SECISBP2L: variants seen among roughly 807,000 people sequenced by gnomAD.
The protein encoded by SECISBP2L is SECIS binding protein 2 like.
Under a neutral mutation model 114.7 loss-of-function variants are expected in SECISBP2L, and 43 were observed. The ratio of observed to expected loss-of-function variants is 0.38; its 90% CI spans 0.29 to 0.48. The LOEUF is 0.48. SECISBP2L is among the 20% of genes least tolerant of loss of function. SECISBP2L has a pLI of 0.98. For synonymous variants in SECISBP2L, 451 were observed against 439.7 expected, an observed-to-expected ratio of 1.03 and a Z score of -0.32; for missense variants, 1,136 against 1,301.1, an observed-to-expected ratio of 0.87 and a Z score of 1.95.
chr15:49,023,949 T>C (rs949541057), intron 7 of SECISBP2L, among the ~76,000 whole-genome samples: 3 of 152,202 alleles, frequency 2.0e-5, no homozygotes, highest in African/African-American at 7.2e-5. Flanking sequence ...GACTTTTACA[T>C]TGTATATAAT....
At chr15:49,009,691 T>C (rs1008711832) in intron 13 of SECISBP2L, among the ~76,000 whole-genome samples, 3 of 151,904 alleles carry the variant, frequency 2.0e-5, no homozygotes, top group South Asian at 4.2e-4. Context: ...CTGAGAAACG[T>C]TGTGAGACTT....
At chr15:49,010,121 G>GTAGACACACACACA in intron 13 of SECISBP2L, among the ~76,000 whole-genome samples, 1 of 27,978 alleles carries the variant, frequency 3.6e-5, no homozygotes, top group African/African-American at 1.3e-4. Context: ...AACAACAGAG[G>GTAGACACACACACA]CAGACACACA....
chr15:49,021,694 A>G (rs1190361046), intron 7 of SECISBP2L, among the ~76,000 whole-genome samples: 1 of 152,188 alleles, frequency 6.6e-6, no homozygotes, highest in Non-Finnish European at 1.5e-5. Context: ...TACAAACGGT[A>G]AAACAATTTC....
chr15:49,010,709 G>C (rs1258283575), intron 13 of SECISBP2L, among the ~76,000 whole-genome samples: 1 of 152,016 alleles, frequency 6.6e-6, no homozygotes, highest in Non-Finnish European at 1.5e-5. Flanking sequence ...ACAGGGTTTT[G>C]CCTTGTTGTC....
At chr15:49,042,505 C>T (rs966027732) in intron 1 of SECISBP2L, 1 of 152,116 alleles carries the variant, frequency 6.6e-6, no homozygotes, top group African/African-American at 2.4e-5. Flanking sequence ...GGGAGGTTAT[C>T]ATATTGATGC....
In SECISBP2L at chr15:48,991,694, T is replaced by C. The variant is rs1453536054; in HGVS notation, c.*550A>G. ...TTTAGCCCATCCCAACACTAATTAATTACAATAATCAGTGACTTCTGACTA... is the reference window on the plus strand; with the variant it reads ...TTTAGCCCATCCCAACACTAATTAACTACAATAATCAGTGACTTCTGACTA... On this transcript the variant is annotated 3_prime_UTR_variant, in exon 18 of 18. Transcript: ENST00000559471. 6.6e-6 allele frequency: 1 copy of C among 152,554 alleles called. No individual in the cohort carries two copies. 9.5% of individuals were successfully genotyped at this position (152,554 alleles called of 1,614,324 possible).
intron 9 of SECISBP2L, 44 bp downstream of exon 9, chr15:49,017,504 C>G (rs1225789457): frequency 7.9e-7 from 1 of 1,261,436 alleles, no homozygotes; most frequent in Admixed American, 1.9e-5. Flanking sequence ...AGCCATTGTT[C>G]AAAAGATGTT....
chr15:49,028,426 T>C (rs1215964213), intron 5 of SECISBP2L, 27 bp downstream of exon 5: 2 of 1,599,500 alleles, frequency 1.3e-6, no homozygotes, highest in African/African-American at 2.7e-5. Flanking sequence ...CAATGACCAA[T>C]AAAGAAATCA....
intron 8 of SECISBP2L, among the ~76,000 whole-genome samples, chr15:49,018,459 C>T (rs915927394): frequency 2.0e-5 from 3 of 151,778 alleles, no homozygotes; most frequent in Non-Finnish European, 4.4e-5. Context: ...GGTTTCACCA[C>T]GTTGGCCAGG....
At chr15:49,041,805 CTT>C (rs1287969462) in intron 1 of SECISBP2L, among the ~76,000 whole-genome samples, 1 of 152,134 alleles carries the variant, frequency 6.6e-6, no homozygotes, top group Non-Finnish European at 1.5e-5. Context: ...ATATCTCAAA[CTT>C]TAAGATATTT....
In SECISBP2L at chr15:49,016,581, T is replaced by C. The variant is rs1718562245; in HGVS notation, c.1540A>G (p.Thr514Ala). ...QAMKARQITN[T>A]RPLSYTVVTA... Reference sequence around the variant, plus strand: ...TCACCTGTATATGACAGAGGTCTGGTGTTAGTAATTTGCCGTGCTTTCATT... The same window carrying C: ...TCACCTGTATATGACAGAGGTCTGGCGTTAGTAATTTGCCGTGCTTTCATT... Residue 514 changes from threonine to alanine, a missense_variant, in exon 11 of 18, where the codon ACC becomes GCC. Transcript: ENST00000559471. The C allele has an allele frequency of 1.2e-6, 2 of 1,610,790 alleles. No homozygotes were observed. Among genetic ancestry groups the C allele is most frequent in the Admixed American group, 3.3e-5 (2 of 59,808 alleles).
rs189254909 is a variant in SECISBP2L, at chr15:49,020,829, A to T, written c.1036-1277T>A. ...AGCTACTCTTTAATTTAACTACTGT[A>T]AGTCTTCTGATACTTGCAGTTTATT... On this transcript the variant is annotated intron_variant, in intron 7 of 17. Transcript: ENST00000559471. Among the ~76,000 whole-genome samples, 523 of 152,302 alleles carry T rather than the reference A, an allele frequency of 3.4e-3. 3 individuals carry two copies. Among genetic ancestry groups the T allele is most frequent in the Non-Finnish European group, 5.5e-3 (371 of 68,012 alleles).
chr15:49,029,975 TGAC>T (rs1338549625), intron 4 of SECISBP2L, among the ~76,000 whole-genome samples: 1 of 151,498 alleles, frequency 6.6e-6, no homozygotes, highest in Non-Finnish European at 1.5e-5. Context: ...TTGAATTATC[TGAC>T]TTCTGCCATT....
chr15:49,011,522 A>G (rs1595786672), intron 13 of SECISBP2L: 2 of 437,132 alleles, frequency 4.6e-6, no homozygotes, highest in East Asian at 6.6e-5. Context: ...CAAAAATGTC[A>G]TAGGCCTACT....
intron 11 of SECISBP2L, 78 bp from the exon 12 acceptor site, chr15:49,012,895 A>C: frequency 7.1e-7 from 1 of 1,405,424 alleles, no homozygotes. Flanking sequence ...AACTACAAAA[A>C]CAAGAACATC....
At chr15:49,006,122 T>TA (rs1595784680) in intron 14 of SECISBP2L, among the ~76,000 whole-genome samples, 1 of 152,210 alleles carries the variant, frequency 6.6e-6, no homozygotes, top group Non-Finnish European at 1.5e-5. Context: ...GACCCGCTGT[T>TA]AGACTGATGG....
Position 49,046,440 on chromosome 15 carries a change from C to T in SECISBP2L, c.-141G>A, listed in dbSNP as rs1242436318. On this transcript the variant is annotated 5_prime_UTR_variant, in exon 1 of 18. Coordinates refer to ENST00000559471, the MANE Select transcript of SECISBP2L (RefSeq NM_001193489.2). ...GCTGGCCGCGACACCGATTCGGCTA[C>T]GCCACTGGCCGAGGAGGCGGCTCCA... 3.1e-5 allele frequency: 28 copies of T among 910,588 alleles called. No homozygotes were observed. The highest frequency in any genetic ancestry group is 6.7e-5 in the South Asian group (3 of 44,886). 56.4% of individuals were successfully genotyped at this position (910,588 alleles called of 1,614,324 possible).
chr15:49,039,567 G>GGGTGGA (rs1343494537), intron 1 of SECISBP2L, among the ~76,000 whole-genome samples: 1 of 150,296 alleles, frequency 6.7e-6, no homozygotes, highest in African/African-American at 2.5e-5. Flanking sequence ...CTCTGTCACG[G>GGGTGGA]GGTGGAGGTG....
chr15:49,029,050 C>T (rs1341024795), intron 4 of SECISBP2L, among the ~76,000 whole-genome samples: 2 of 152,100 alleles, frequency 1.3e-5, no homozygotes, highest in Non-Finnish European at 2.9e-5. Flanking sequence ...GACAGGGTTT[C>T]GCCATGTTGC....
Sources: gnomAD v4.1 joint callset for allele counts (sites outside exome capture counted in the v4.1 genomes callset) on GRCh38, gnomAD v4.1.1 for gene constraint, MANE v1.5 for transcripts, NCBI Gene and HGNC (gene_info 2026-07-23, HGNC 2026-07-21) for gene names.